Variants in CFAP20DC observed in about 807,000 individuals in gnomAD.
CFAP20DC encodes CFAP20 domain containing, also known as protein CFAP20DC.
In CFAP20DC, 84 loss-of-function variants were observed where a neutral mutation model predicts 101.7. That is an observed-to-expected ratio of 0.83 (90% CI 0.69 to 0.99). CFAP20DC has a LOEUF of 0.99. Ranked by LOEUF, CFAP20DC falls within the 50% of genes least tolerant of loss-of-function variation. The probability of loss-of-function intolerance (pLI) is 0.00; values close to 1 mark genes in which losing one functional copy is unlikely to be tolerated. For missense variants in CFAP20DC, 1,007 were observed against 970.3 expected (o/e 1.04, Z -0.50); for synonymous variants, 359 against 351.2 (o/e 1.02, Z -0.25).
intron 4 of CFAP20DC, among the ~76,000 whole-genome samples, chr3:58,957,202 C>T (rs2090712634): frequency 6.6e-6 from 1 of 152,014 alleles, no homozygotes. Context: ...AAGATTTGAA[C>T]AAACATTTCT....
In CFAP20DC at chr3:58,806,385, T is replaced by C; in HGVS notation, c.2237+10A>G. On this transcript the variant is annotated intron_variant, in intron 15 of 16. Coordinates refer to ENST00000482387, the MANE Select transcript of CFAP20DC (RefSeq NM_001394063.1). ...TTTTTTCTTAAATGTAGATTATTAA[T>C]GATTCTTACCGGGGATTAGAAGGAG... 1.3e-6 allele frequency: 2 copies of C among 1,553,114 alleles called. No individual in the cohort carries two copies. The highest frequency in any genetic ancestry group is 1.8e-6 in the Non-Finnish European group (2 of 1,124,752).
intron 12 of CFAP20DC, among the ~76,000 whole-genome samples, chr3:58,853,078 G>A (rs1475658213): frequency 6.6e-6 from 1 of 152,138 alleles, no homozygotes; most frequent in Non-Finnish European, 1.5e-5. Flanking sequence ...AAAATTGATA[G>A]ACCGCTAGCA....
rs1184157386 is a variant in CFAP20DC at position 58,863,084 on chromosome 3, A to G, written c.1593+474T>C. 1.0e-6 allele frequency: 1 copy of G among 996,088 alleles called. No individual in the cohort carries two copies. The highest frequency in any genetic ancestry group is 1.7e-5 in the African/African-American group (1 of 57,680). 61.7% of individuals were successfully genotyped at this position (996,088 alleles called of 1,614,324 possible). On this transcript the variant is annotated intron_variant, in intron 12 of 16. Transcript: ENST00000482387. The surrounding 1 kb of genome is among the most constrained non-coding windows in gnomAD (Gnocchi z 5.9). Reference sequence around the variant, plus strand: ...AAACTTTAATTGGCACAACTCTTCAAATTCTGGGACCATATGGAAAATAAT... The same window carrying G: ...AAACTTTAATTGGCACAACTCTTCAGATTCTGGGACCATATGGAAAATAAT...
chr3:58,851,919 G>T (rs1464593030), intron 12 of CFAP20DC, among the ~76,000 whole-genome samples: 1 of 152,196 alleles, frequency 6.6e-6, no homozygotes, highest in Non-Finnish European at 1.5e-5. Context: ...GAGAAAGACT[G>T]TGGGGAAGCT....
intron 4 of CFAP20DC, among the ~76,000 whole-genome samples, chr3:59,031,902 T>TGGCCA (rs1225611603): frequency 1.3e-5 from 2 of 152,222 alleles, no homozygotes; most frequent in Non-Finnish European, 2.9e-5. Flanking sequence ...AAGAGGTGGC[T>TGGCCA]GGCAATATGG....
At chr3:58,748,381 G>T (rs2068347187) in intron 16 of CFAP20DC, among the ~76,000 whole-genome samples, 1 of 152,130 alleles carries the variant, frequency 6.6e-6, no homozygotes, top group South Asian at 2.1e-4. Context: ...TAGGTGGGGT[G>T]GTTCTGGAAT....
chr3:58,813,583 T>C lies in CFAP20DC; in HGVS notation c.2176-7127A>G, dbSNP rs2074855034. Among the ~76,000 whole-genome samples, 2 of 151,934 alleles carry C rather than the reference T, an allele frequency of 1.3e-5. 1 individual carries two copies. Among genetic ancestry groups the C allele is most frequent in the South Asian group, 4.1e-4 (2 of 4,832 alleles). On this transcript the variant is annotated intron_variant, in intron 14 of 16. Coordinates refer to ENST00000482387, the MANE Select transcript of CFAP20DC (RefSeq NM_001394063.1). ...GTGCCTGTATATACAGAGCTCATACTCCTTAGCTTCCAGATATTTCTCATT... is the reference window on the plus strand; with the variant it reads ...GTGCCTGTATATACAGAGCTCATACCCCTTAGCTTCCAGATATTTCTCATT...
chr3:58,815,580 A>C (rs1409381692), intron 14 of CFAP20DC, among the ~76,000 whole-genome samples: 6 of 151,528 alleles, frequency 4.0e-5, no homozygotes, highest in African/African-American at 1.5e-4. Flanking sequence ...CAACCTACAA[A>C]ATGGGAGAAA....
At chr3:58,797,221 C>A (rs901330084) in intron 15 of CFAP20DC, among the ~76,000 whole-genome samples, 1 of 152,166 alleles carries the variant, frequency 6.6e-6, no homozygotes, top group African/African-American at 2.4e-5. Context: ...AAAGCTAGGC[C>A]TCTTGCACCA....
At chr3:58,784,232 C>T (rs2072111350) in intron 15 of CFAP20DC, among the ~76,000 whole-genome samples, 1 of 151,956 alleles carries the variant, frequency 6.6e-6, no homozygotes, top group African/African-American at 2.4e-5. Flanking sequence ...TCCAGCTGCA[C>T]CCATGTTGCT....
Position 58,915,197 on chromosome 3 carries a change from A to G in CFAP20DC, c.394-1333T>C, listed in dbSNP as rs375647916. Among the ~76,000 whole-genome samples, 29 of 152,234 alleles carry G rather than the reference A, an allele frequency of 1.9e-4. No individual in the cohort carries two copies. The East Asian group carries it at 5.4e-3, about 28-fold the overall frequency. On this transcript the variant is annotated intron_variant, in intron 5 of 16. Transcript: ENST00000482387. ...CAGAATGGAGAGCACCAAGGCACAG[A>G]AAGACTAGTTTGGTCCCTGTCAGTC...
intron 4 of CFAP20DC, among the ~76,000 whole-genome samples, chr3:59,027,266 G>GT (rs1303328858): frequency 3.3e-5 from 5 of 151,872 alleles, no homozygotes; most frequent in Admixed American, 6.6e-5. Flanking sequence ...CACTTTCAGG[G>GT]TTTTTTTTCT....
At chr3:58,759,583 G>C (rs1223160852) in intron 15 of CFAP20DC, among the ~76,000 whole-genome samples, 1 of 152,104 alleles carries the variant, frequency 6.6e-6, no homozygotes, top group Non-Finnish European at 1.5e-5. Flanking sequence ...CACTGATTTT[G>C]GTGTTTTAGA....
At chr3:59,038,709 C>A (rs960717611) in intron 4 of CFAP20DC, among the ~76,000 whole-genome samples, 2 of 152,108 alleles carry the variant, frequency 1.3e-5, no homozygotes, top group South Asian at 2.1e-4. Flanking sequence ...GTGCCATGAA[C>A]AAACCCCATA....
chr3:58,744,829 G>A (rs1402513111), intron 16 of CFAP20DC, among the ~76,000 whole-genome samples: 1 of 152,134 alleles, frequency 6.6e-6, no homozygotes, highest in East Asian at 1.9e-4. Flanking sequence ...AATGAAACAT[G>A]TACTCTGGAA....
At chr3:58,978,692 A>C (rs1158449211) in intron 4 of CFAP20DC, among the ~76,000 whole-genome samples, 2 of 150,092 alleles carry the variant, frequency 1.3e-5, no homozygotes, top group Non-Finnish European at 3.0e-5. Context: ...CTGGGTGACA[A>C]GAGAGAGACT....
intron 4 of CFAP20DC, among the ~76,000 whole-genome samples, chr3:59,027,759 T>C (rs1411080704): frequency 6.6e-6 from 1 of 152,196 alleles, no homozygotes; most frequent in East Asian, 1.9e-4. Context: ...TTTGTAGTGC[T>C]CCTCCTGTGC....
At position 58,884,664 on chromosome 3, in the gene CFAP20DC, A is replaced by G. The variant is rs747559924; in HGVS notation, c.596T>C (p.Ile199Thr). 1 of 1,613,872 alleles carries G rather than the reference A, an allele frequency of 6.2e-7. No homozygotes were observed. Among genetic ancestry groups the G allele is most frequent in the Non-Finnish European group, 8.5e-7 (1 of 1,179,768 alleles). The change falls in exon 7 of 17, where the codon ATA becomes ACA. Residue 199 changes from isoleucine to threonine, a missense_variant. Ile to Thr is a moderately conservative substitution (Grantham distance 89, BLOSUM62 -1). Coordinates refer to ENST00000482387, the MANE Select transcript of CFAP20DC (RefSeq NM_001394063.1). The stretch of plus-strand genomic sequence containing the variant: ...TGTCATTAGTTGACAGCTTCGTGGT[A>G]TAATATCTGTAGGCTCATCTGTTGA... ...PFSTDEPTDI[I>T]PRSCQLMTDV...
intron 3 of CFAP20DC, among the ~76,000 whole-genome samples, chr3:58,730,997 C>A (rs1200853215): frequency 6.6e-6 from 1 of 152,062 alleles, no homozygotes; most frequent in East Asian, 1.9e-4. Flanking sequence ...CCATGACAGG[C>A]CCTAAGTACA....
Sources: gnomAD v4.1 joint callset for allele counts (sites outside exome capture counted in the v4.1 genomes callset) on GRCh38, gnomAD v4.1.1 for gene constraint, Gnocchi (gnomAD v3.1) non-coding constraint, MANE v1.5 for transcripts, NCBI Gene and HGNC (gene_info 2026-07-23, HGNC 2026-07-21) for gene names.